The following NIPBL variants were observed in gnomAD, a reference collection of about 807,000 sequenced individuals.
NIPBL encodes NIPBL cohesin loading factor, also known as nipped-B-like protein.
A neutral mutation model predicts 321.8 loss-of-function variants in NIPBL; 19 were observed. The observed-to-expected ratio is 0.06, with a 90% CI of 0.04 to 0.09. The LOEUF is 0.09. Ranked by LOEUF, NIPBL falls within the 10% of genes least tolerant of loss-of-function variation. The pLI is 1.00. For missense variants in NIPBL, 2,210 were observed against 3,327.0 expected, an observed-to-expected ratio of 0.66 and a Z score of 8.26; for synonymous variants, 1,106 against 1,114.1, an observed-to-expected ratio of 0.99 and a Z score of 0.14.
intron 1 of NIPBL, among the ~76,000 whole-genome samples, chr5:36,918,479 A>G (rs556672318): frequency 6.6e-6 from 1 of 152,118 alleles, no homozygotes; most frequent in Non-Finnish European, 1.5e-5. Context: ...AACAGGGACA[A>G]TTTGACTTCC....
intron 1 of NIPBL, among the ~76,000 whole-genome samples, chr5:36,877,668 C>T (rs114972986): frequency 1.3e-5 from 2 of 152,242 alleles, no homozygotes; most frequent in South Asian, 4.1e-4. Flanking sequence ...CCTTCTTCCC[C>T]CTGTGACCCC....
chr5:37,050,588 C>T (rs1433614499), intron 40 of NIPBL, among the ~76,000 whole-genome samples: 1 of 151,904 alleles, frequency 6.6e-6, no homozygotes, highest in Non-Finnish European at 1.5e-5. Context: ...GCCACAATTG[C>T]TTTCTCTCTC....
At position 37,057,167 on chromosome 5, in the gene NIPBL, T is replaced by C. The variant is rs1236742558; in HGVS notation, c.7264-19T>C. 3 of 1,612,126 alleles carry C rather than the reference T, an allele frequency of 1.9e-6. No homozygotes were observed. The highest frequency in any genetic ancestry group is 3.3e-5 in the Admixed American group (2 of 60,004). ...TAGATTATCCGCTAAACATGTGTGC[T>C]TTTTCTTAAAATTTACAGAAAACAG... On this transcript the variant is annotated intron_variant, in intron 42 of 46. Coordinates refer to ENST00000282516, the MANE Select transcript of NIPBL (RefSeq NM_133433.4).
chr5:36,992,857 C>T (rs1745703567), intron 10 of NIPBL, among the ~76,000 whole-genome samples: 2 of 151,954 alleles, frequency 1.3e-5, no homozygotes, highest in African/African-American at 2.4e-5. Flanking sequence ...ATTCTCCTGC[C>T]TCAGCCTCCC....
rs142065962 is a variant in NIPBL, at chr5:37,026,348, G to A, written c.5808+21G>A. On this transcript the variant is annotated intron_variant, in intron 31 of 46. Coordinates refer to ENST00000282516, the MANE Select transcript of NIPBL (RefSeq NM_133433.4). Reference sequence around the variant, plus strand: ...ATGTGGTAAGAAGGACTGGAACAAGGGTGTGGTCACTGTTGATCCAGACCT... The same window carrying A: ...ATGTGGTAAGAAGGACTGGAACAAGAGTGTGGTCACTGTTGATCCAGACCT... 7.0e-6 allele frequency: 10 copies of A among 1,428,536 alleles called. No homozygotes were observed. In the East Asian group the frequency reaches 2.3e-4, roughly 33 times the overall value. 88.5% of individuals were successfully genotyped at this position (1,428,536 alleles called of 1,614,324 possible).
At chr5:36,965,374 A>G (rs1408948789) in intron 6 of NIPBL, among the ~76,000 whole-genome samples, 3 of 152,180 alleles carry the variant, frequency 2.0e-5, no homozygotes, top group Admixed American at 1.3e-4. Context: ...ATTTTCAGCA[A>G]CATAGAGGGA....
chr5:37,027,307 T>G (rs985580972), intron 31 of NIPBL, 52 bp from the exon 32 acceptor site: 1 of 1,302,354 alleles, frequency 7.7e-7, no homozygotes, highest in Non-Finnish European at 1.1e-6. Context: ...AAGTATATTT[T>G]ATTCACATTT....
chr5:36,959,889 C>G (rs1046597093), intron 4 of NIPBL, among the ~76,000 whole-genome samples: 1 of 151,918 alleles, frequency 6.6e-6, no homozygotes, highest in African/African-American at 2.4e-5. Flanking sequence ...CAATTAATTG[C>G]ATGTTATTTT....
chr5:37,001,143 C>T (rs1175178372), intron 14 of NIPBL, 65 bp downstream of exon 14: 25 of 1,055,530 alleles, frequency 2.4e-5, no homozygotes, highest in Non-Finnish European at 3.6e-5. Context: ...TCTAGAGTAA[C>T]TCAGTTACTC....
At chr5:36,968,342 G>A (rs1742468774) in intron 6 of NIPBL, among the ~76,000 whole-genome samples, 1 of 152,028 alleles carries the variant, frequency 6.6e-6, no homozygotes, top group Non-Finnish European at 1.5e-5. Context: ...GGCTGAGACT[G>A]GTGGATCACG....
Position 37,006,482 on chromosome 5 carries a change from G to A in NIPBL, c.3981G>A (p.Val1327=). ...IMTSPNMPKA[V]YIEDVIERVI... ...CATCCCCTAACATGCCAAAAGCTGT[G>A]TACATTGAGGATGTAATTGAAAGAG... Residue 1327 remains valine (V), a synonymous_variant, in exon 17 of 47, where the codon GTG becomes GTA. Transcript: ENST00000282516. The A allele has an allele frequency of 6.2e-7, 1 of 1,611,742 alleles. No homozygotes were observed. Among genetic ancestry groups the A allele is most frequent in the Non-Finnish European group, 8.5e-7 (1 of 1,178,094 alleles).
At chr5:36,918,586 C>CCCCT (rs1748668079) in intron 1 of NIPBL, among the ~76,000 whole-genome samples, 1 of 152,098 alleles carries the variant, frequency 6.6e-6, no homozygotes, top group Admixed American at 6.6e-5. Context: ...TGAGAGAGGG[C>CCCCT]GTCCCTGTCT....
At chr5:37,017,792 G>A (rs1362931556) in intron 24 of NIPBL, among the ~76,000 whole-genome samples, 2 of 151,698 alleles carry the variant, frequency 1.3e-5, no homozygotes, top group African/African-American at 4.8e-5. Flanking sequence ...TATAGTTCGT[G>A]TTTTGAAATA....
intron 7 of NIPBL, among the ~76,000 whole-genome samples, 181 bp downstream of exon 7, chr5:36,971,217 T>C (rs750695808): frequency 6.6e-6 from 1 of 151,696 alleles, no homozygotes; most frequent in Non-Finnish European, 1.5e-5. Flanking sequence ...GTGTGACCAG[T>C]AGCCTGAACC....
At chr5:37,042,009 T>C (rs991812033) in intron 34 of NIPBL, among the ~76,000 whole-genome samples, 1 of 152,248 alleles carries the variant, frequency 6.6e-6, no homozygotes, top group African/African-American at 2.4e-5. Flanking sequence ...AAAGAATTTA[T>C]CTTTTCTTTT....
intron 34 of NIPBL, among the ~76,000 whole-genome samples, chr5:37,042,382 C>T (rs1168918065): frequency 6.6e-6 from 1 of 152,014 alleles, no homozygotes; most frequent in East Asian, 1.9e-4. Context: ...TTGCAGTGAG[C>T]CGAGACTGTG....
At chr5:37,003,228 A>G (rs774446623) in intron 15 of NIPBL, 33 bp from the exon 16 acceptor site, 1 of 1,230,512 alleles carries the variant, frequency 8.1e-7, no homozygotes, top group South Asian at 1.2e-5. Context: ...ACTTTTACCA[A>G]CGATTGATAA....
chr5:36,930,671 T>C (rs1749710737), intron 1 of NIPBL, among the ~76,000 whole-genome samples: 1 of 152,156 alleles, frequency 6.6e-6, no homozygotes, highest in Admixed American at 6.5e-5. Flanking sequence ...AAGTTAGCTG[T>C]AGAATTTTCA....
chr5:36,885,467 A>G (rs577251999), intron 1 of NIPBL: 4 of 484,902 alleles, frequency 8.2e-6, no homozygotes, highest in Non-Finnish European at 1.6e-5. Flanking sequence ...AAGCCTGAAC[A>G]ACCACCTGGC....
Sources: allele counts gnomAD v4.1 joint callset (sites outside exome capture counted in the v4.1 genomes callset), GRCh38; gene constraint gnomAD v4.1.1; transcripts MANE v1.5; gene names NCBI Gene and HGNC (gene_info 2026-07-23, HGNC 2026-07-21).